MARCHF6: variants seen among roughly 807,000 people sequenced by gnomAD.
MARCHF6 encodes the protein E3 ubiquitin-protein ligase MARCHF6.
A neutral mutation model predicts 133.7 loss-of-function variants in MARCHF6; 31 were observed. That is an observed-to-expected ratio of 0.23 (90% CI 0.17 to 0.31). The LOEUF (loss-of-function observed/expected upper bound fraction) is 0.31. MARCHF6 is among the 10% of genes least tolerant of loss of function. MARCHF6 has a pLI of 1.00. For synonymous variants in MARCHF6, 395 were observed against 402.5 expected, an observed-to-expected ratio of 0.98 and a Z score of 0.22; for missense variants, 723 against 1,121.6, an observed-to-expected ratio of 0.64 and a Z score of 5.08.
chr5:10,427,532 A>T (rs1344567555), intron 24 of MARCHF6, among the ~76,000 whole-genome samples: 2 of 152,204 alleles, frequency 1.3e-5, no homozygotes, highest in Admixed American at 6.5e-5. Flanking sequence ...TATCAAACAC[A>T]CAATGTCCTC....
intron 1 of MARCHF6, among the ~76,000 whole-genome samples, chr5:10,377,466 T>C (rs1736860981): frequency 6.6e-6 from 1 of 152,250 alleles, no homozygotes; most frequent in Non-Finnish European, 1.5e-5. Context: ...AGGACGCTAA[T>C]GGTGACCTGA....
intron 17 of MARCHF6, among the ~76,000 whole-genome samples, chr5:10,409,154 A>T (rs1008938839): frequency 6.6e-6 from 1 of 152,210 alleles, no homozygotes; most frequent in African/African-American, 2.4e-5. Flanking sequence ...GCATAGGAAC[A>T]TGATTGTTCA....
intron 5 of MARCHF6, among the ~76,000 whole-genome samples, chr5:10,389,457 G>A (rs1415385551): frequency 1.3e-5 from 2 of 151,418 alleles, no homozygotes; most frequent in Non-Finnish European, 2.9e-5. Flanking sequence ...GCTGGAGTGC[G>A]GTGGCTCAAT....
At chr5:10,361,327 G>C (rs575381953) in intron 1 of MARCHF6, among the ~76,000 whole-genome samples, 1 of 152,220 alleles carries the variant, frequency 6.6e-6, no homozygotes, top group African/African-American at 2.4e-5. Flanking sequence ...AAGTACTACA[G>C]ATTGGGTGCT....
chr5:10,371,942 G>A lies in MARCHF6; in HGVS notation c.20-5856G>A, dbSNP rs1424754570. Among the ~76,000 whole-genome samples, 9 of 151,916 alleles carry A rather than the reference G, an allele frequency of 5.9e-5. 1 individual carries two copies. The highest frequency in any genetic ancestry group is 5.2e-4 in the Admixed American group (8 of 15,264). On this transcript the variant is annotated intron_variant, in intron 1 of 25. Coordinates refer to ENST00000274140, the MANE Select transcript of MARCHF6 (RefSeq NM_005885.4). ...AAGGCCAGGAGTTTGAGACTAGCCC[G>A]GGCAACATAGTGAGACTCTATCTCC...
intron 1 of MARCHF6, among the ~76,000 whole-genome samples, chr5:10,365,788 C>T (rs1185185891): frequency 1.3e-5 from 2 of 152,188 alleles, no homozygotes; most frequent in Non-Finnish European, 2.9e-5. Context: ...AGAAAAATTA[C>T]CCATGTTCTC....
At position 10,438,563 on chromosome 5, in the gene MARCHF6, TA is replaced by T. The variant is rs1342269185; in HGVS notation, c.*4881del. On this transcript the variant is annotated 3_prime_UTR_variant, in exon 26 of 26. Coordinates refer to ENST00000274140, the MANE Select transcript of MARCHF6 (RefSeq NM_005885.4). ...TACTCTTGTTGCAAACATGTAGTGA[TA>T]AGGAGAACTAACGTATCAAGGGGCT... 6.6e-6 allele frequency: 1 copy of T among 152,226 alleles called. No individual in the cohort carries two copies. The highest frequency in any genetic ancestry group is 2.4e-5 in the African/African-American group (1 of 41,468). 9.4% of individuals were successfully genotyped at this position (152,226 alleles called of 1,614,324 possible).
chr5:10,357,817 C>T (rs1220842984), intron 1 of MARCHF6, among the ~76,000 whole-genome samples: 81 of 152,110 alleles, frequency 5.3e-4, no homozygotes, highest in Non-Finnish European at 5.9e-5. Flanking sequence ...TAGAGAAAAT[C>T]CTTTCTTTCA....
At chr5:10,369,835 T>C (rs932191276) in intron 1 of MARCHF6, among the ~76,000 whole-genome samples, 2 of 152,124 alleles carry the variant, frequency 1.3e-5, no homozygotes, top group African/African-American at 4.8e-5. Context: ...CATTTCTTTT[T>C]ATTGCTTAGT....
At chr5:10,363,230 G>C (rs1460297756) in intron 1 of MARCHF6, among the ~76,000 whole-genome samples, 1 of 152,110 alleles carries the variant, frequency 6.6e-6, no homozygotes, top group Non-Finnish European at 1.5e-5. Context: ...AAATTAGAAA[G>C]ACACTTAACA....
chr5:10,396,879 T>C (rs1322747698), intron 9 of MARCHF6, among the ~76,000 whole-genome samples: 1 of 152,184 alleles, frequency 6.6e-6, no homozygotes, highest in Non-Finnish European at 1.5e-5. Flanking sequence ...AGAAGGCAGA[T>C]TGGACGTTGA....
chr5:10,370,311 C>T (rs1736394422), intron 1 of MARCHF6, among the ~76,000 whole-genome samples: 1 of 151,766 alleles, frequency 6.6e-6, no homozygotes, highest in African/African-American at 2.4e-5. Flanking sequence ...CTATGTTCCC[C>T]AGGCTGGTCT....
chr5:10,379,409 A>AC (rs891354842), intron 3 of MARCHF6, among the ~76,000 whole-genome samples: 2 of 152,106 alleles, frequency 1.3e-5, no homozygotes, highest in Non-Finnish European at 2.9e-5. Flanking sequence ...AATTTGGACT[A>AC]CATTTTGAGT....
intron 3 of MARCHF6, 112 bp downstream of exon 3, chr5:10,378,944 T>C (rs1736955448): frequency 1.7e-6 from 1 of 572,678 alleles, no homozygotes; most frequent in Non-Finnish European, 3.0e-6. Flanking sequence ...TTAAGCACTT[T>C]AAAGCAATTA....
chr5:10,397,248 T>A, intron 9 of MARCHF6, 45 bp from the exon 10 acceptor site: 1 of 1,380,372 alleles, frequency 7.2e-7, no homozygotes. Context: ...TAAACATACA[T>A]TAAGTATGAA....
chr5:10,432,338 G>A (rs1740411632), intron 25 of MARCHF6, among the ~76,000 whole-genome samples: 1 of 152,182 alleles, frequency 6.6e-6, no homozygotes, highest in Admixed American at 6.5e-5. Context: ...AGGGACGAAG[G>A]AAAGCTACCT....
In MARCHF6 at chr5:10,429,960, A is replaced by G. The variant is rs1168058116; in HGVS notation, c.2574A>G (p.Val858=). ...RIYPFLLMVV[V]LMAILSFQVR... ...ATCCATTTTTACTGATGGTCGTGGT[A>G]TTGATGGCAATTTTGTCCTTCCAAG... Residue 858 remains valine, a synonymous_variant, in exon 25 of 26, where the codon GTA becomes GTG. Transcript: ENST00000274140. 1 of 1,613,854 alleles carries G rather than the reference A, an allele frequency of 6.2e-7. No individual in the cohort carries two copies.
intron 1 of MARCHF6, 161 bp downstream of exon 1, chr5:10,354,078 A>C (rs915684707): frequency 1.7e-6 from 1 of 580,830 alleles, no homozygotes. Context: ...GCGGAAGGTG[A>C]CCCTCTGCGC....
In MARCHF6 at chr5:10,435,672, TATATATATATATATATATATATATA is replaced by T. The variant is rs1423900377; in HGVS notation, c.*1989_*2013del. The T allele has an allele frequency of 2.8e-3, 40 of 14,164 alleles. No homozygotes were observed. The highest frequency in any genetic ancestry group is 5.8e-3 in the South Asian group (3 of 514). 0.9% of individuals were successfully genotyped at this position (14,164 alleles called of 1,614,324 possible). ...ATATATATATATATATATATATATA[TATATATATATATATATATATATATA>T]TTTTTTTTTTTTTTTTTTTTTTTTT... On this transcript the variant is annotated 3_prime_UTR_variant, in exon 26 of 26. Coordinates refer to ENST00000274140, the MANE Select transcript of MARCHF6 (RefSeq NM_005885.4).
Sources: gnomAD v4.1 joint callset for allele counts (sites outside exome capture counted in the v4.1 genomes callset) on GRCh38, gnomAD v4.1.1 for gene constraint, MANE v1.5 for transcripts, NCBI Gene and HGNC (gene_info 2026-07-23, HGNC 2026-07-21) for gene names.